PNLIPRP3: variants seen among roughly 807,000 people sequenced by gnomAD.
PNLIPRP3 encodes pancreatic lipase-related protein 3.
In PNLIPRP3, 58 loss-of-function variants were observed where a neutral mutation model predicts 52.8. That is an observed-to-expected ratio of 1.10 (90% CI 0.89 to 1.37). The LOEUF (loss-of-function observed/expected upper bound fraction) is 1.37, where lower values mean the gene tolerates loss of function less well. Ranked by LOEUF, PNLIPRP3 falls within the 40% of genes most tolerant of loss-of-function variation. PNLIPRP3 has a pLI of 0.00. For synonymous variants in PNLIPRP3, 192 were observed against 185.0 expected (o/e 1.04, Z -0.31); for missense variants, 593 against 561.6 (o/e 1.06, Z -0.57).
At chr10:116,433,948 A>G (rs1845743390) in intron 1 of PNLIPRP3, among the ~76,000 whole-genome samples, 1 of 152,180 alleles carries the variant, frequency 6.6e-6, no homozygotes, top group Non-Finnish European at 1.5e-5. Context: ...ATATCTCCCA[A>G]TTCCACTTAG....
In PNLIPRP3 at chr10:116,455,807, T is replaced by A. The variant is rs1387478139; in HGVS notation, c.542T>A (p.Ile181Lys). The stretch of plus-strand genomic sequence containing the variant: ...CTGGCTGGGGAAGCTGGGTCAAGGA[T>A]ACCAGGCCTTGGAAGAATAACTGGT... Reference protein sequence around the residue: ...AHLAGEAGSRIPGLGRITGLD... With the variant: ...AHLAGEAGSRKPGLGRITGLD... The change falls in exon 5 of 12, where the codon ATA becomes AAA. Residue 181 changes from isoleucine (I) to lysine (K), a missense_variant. Physicochemically the swap from Ile to Lys is moderately radical, Grantham distance 102. Transcript: ENST00000369230. The A allele has an allele frequency of 6.2e-7, 1 of 1,613,842 alleles. No individual in the cohort carries two copies. The highest frequency in any genetic ancestry group is 2.2e-5 in the East Asian group (1 of 44,902).
chr10:116,428,097 T>C, intron 1 of PNLIPRP3, 36 bp downstream of exon 1: 1 of 1,414,232 alleles, frequency 7.1e-7, no homozygotes, highest in Non-Finnish European at 1.0e-6. Flanking sequence ...TCTTTAAAAA[T>C]AATGAGTATA....
chr10:116,443,117 C>T lies in PNLIPRP3; in HGVS notation c.267C>T (p.Thr89=), dbSNP rs758655302. ...QASYFGTDKI[T]RINIAGWKTD... ...CATATTTTGGAACAGACAAGATCAC[C>T]CGTATCAACATAGCTGGATGGAAAA... The change falls in exon 3 of 12, where the codon ACC becomes ACT. Residue 89 remains threonine, a synonymous_variant. Transcript: ENST00000369230. The T allele has an allele frequency of 2.5e-6, 4 of 1,611,596 alleles. No individual in the cohort carries two copies. Among genetic ancestry groups the T allele is most frequent in the Non-Finnish European group, 3.4e-6 (4 of 1,178,366 alleles).
At chr10:116,431,170 A>G (rs1845704680) in intron 1 of PNLIPRP3, among the ~76,000 whole-genome samples, 1 of 152,102 alleles carries the variant, frequency 6.6e-6, no homozygotes, top group Non-Finnish European at 1.5e-5. Context: ...CACCACTGCT[A>G]CCACCCTAGT....
intron 2 of PNLIPRP3, among the ~76,000 whole-genome samples, chr10:116,442,668 ACCCT>A (rs1845875284): frequency 1.3e-5 from 2 of 152,090 alleles, no homozygotes; most frequent in Admixed American, 1.3e-4. Context: ...GTTCAAGATC[ACCCT>A]AGGCAACATA....
At chr10:116,472,692 C>T (rs948436614) in intron 10 of PNLIPRP3, among the ~76,000 whole-genome samples, 2 of 152,176 alleles carry the variant, frequency 1.3e-5, no homozygotes, top group South Asian at 4.1e-4. Context: ...TAAATATAAG[C>T]TCAGTGAATG....
intron 2 of PNLIPRP3, among the ~76,000 whole-genome samples, chr10:116,441,170 G>A (rs574502879): frequency 6.6e-6 from 1 of 152,262 alleles, no homozygotes; most frequent in Admixed American, 6.5e-5. Flanking sequence ...CAGAGTGAAT[G>A]TGAAAGTGTT....
At chr10:116,443,280 G>T in intron 3 of PNLIPRP3, 106 bp downstream of exon 3, 1 of 1,205,848 alleles carries the variant, frequency 8.3e-7, no homozygotes, top group South Asian at 2.3e-5. Context: ...CTTCCATTCA[G>T]TTATCCACAA....
At chr10:116,450,138 TAAAAAGA>T (rs1846013854) in intron 4 of PNLIPRP3, among the ~76,000 whole-genome samples, 1 of 152,030 alleles carries the variant, frequency 6.6e-6, no homozygotes, top group South Asian at 2.1e-4. Flanking sequence ...CACCTAAATT[TAAAAAGA>T]AAAAAGCTCT....
chr10:116,446,345 CAAAAAAA>C (rs35901373), intron 4 of PNLIPRP3, among the ~76,000 whole-genome samples: 2 of 65,884 alleles, frequency 3.0e-5, no homozygotes, highest in African/African-American at 1.3e-4. Context: ...CGCTGCGTCT[CAAAAAAA>C]AAAAAAAAAA....
At chr10:116,433,481 A>G (rs1845736200) in intron 1 of PNLIPRP3, among the ~76,000 whole-genome samples, 1 of 152,204 alleles carries the variant, frequency 6.6e-6, no homozygotes, top group South Asian at 2.1e-4. Context: ...ATAAATGCAA[A>G]TTAAAATAAC....
chr10:116,432,033 C>T (rs1051094865), intron 1 of PNLIPRP3, among the ~76,000 whole-genome samples: 4 of 152,170 alleles, frequency 2.6e-5, no homozygotes, highest in Non-Finnish European at 4.4e-5. Context: ...CCTCCTAGCA[C>T]CTGTCACTGT....
chr10:116,452,020 G>A (rs1846047982), intron 4 of PNLIPRP3, among the ~76,000 whole-genome samples: 1 of 152,144 alleles, frequency 6.6e-6, no homozygotes, highest in Admixed American at 6.5e-5. Context: ...TGACCAAAAT[G>A]ATGATAGAGA....
chr10:116,470,918 G>A (rs1028650488), intron 9 of PNLIPRP3, among the ~76,000 whole-genome samples: 12 of 152,134 alleles, frequency 7.9e-5, no homozygotes, highest in Admixed American at 2.6e-4. Context: ...CTCATTGGAT[G>A]AAGAAACAGT....
At chr10:116,445,743 C>T (rs1370288806) in intron 4 of PNLIPRP3, among the ~76,000 whole-genome samples, 1 of 152,098 alleles carries the variant, frequency 6.6e-6, no homozygotes. Flanking sequence ...GAATAGGCAG[C>T]CTTGAAGTGG....
chr10:116,443,787 ATG>A (rs1564695548), intron 3 of PNLIPRP3, among the ~76,000 whole-genome samples: 1 of 14,506 alleles, frequency 6.9e-5, no homozygotes, highest in African/African-American at 1.3e-4. Context: ...GTGTGTGTGT[ATG>A]TATGTGTGTG....
rs78513515 is a variant in PNLIPRP3, at chr10:116,441,652, G to T, written c.205-1403G>T. Among the ~76,000 whole-genome samples the T allele has an allele frequency of 1.0e-2, 1,516 of 152,196 alleles. 29 individuals are homozygous for T. The highest frequency in any genetic ancestry group is 0.035 in the African/African-American group (1,444 of 41,532). On this transcript the variant is annotated intron_variant, in intron 2 of 11. Transcript: ENST00000369230. ...CCCACATCTGGTTTGGGCCCTATCA[G>T]CAGAGAACACTATAATCAGAACATC...
At chr10:116,447,921 A>G (rs1322116162) in intron 4 of PNLIPRP3, among the ~76,000 whole-genome samples, 1 of 149,278 alleles carries the variant, frequency 6.7e-6, no homozygotes, top group Non-Finnish European at 1.5e-5. Context: ...TGGGTAACAG[A>G]CTGCACTCCA....
chr10:116,471,916 T>G, intron 10 of PNLIPRP3, 37 bp downstream of exon 10: 1 of 1,349,336 alleles, frequency 7.4e-7, no homozygotes, highest in Non-Finnish European at 1.1e-6. Flanking sequence ...TGCACAGTGC[T>G]GGGGGCTCAG....
Sources: allele counts gnomAD v4.1 joint callset (sites outside exome capture counted in the v4.1 genomes callset), GRCh38; gene constraint gnomAD v4.1.1; transcripts MANE v1.5; gene names NCBI Gene and HGNC (gene_info 2026-07-23, HGNC 2026-07-21).